Variants in LAMA2 observed in about 807,000 individuals in gnomAD.
LAMA2 encodes laminin subunit alpha-2.
Under a neutral mutation model 364.8 loss-of-function variants are expected in LAMA2, and 269 were observed. The ratio of observed to expected loss-of-function variants is 0.74; its 90% CI spans 0.67 to 0.82. LAMA2 has a LOEUF of 0.82. Among genes scored for constraint, LAMA2 ranks in the 40% least tolerant of loss-of-function variants. The pLI is 0.00. For synonymous variants in LAMA2, 1,379 were observed against 1,370.6 expected (o/e 1.01, Z -0.14); for missense variants, 3,807 against 3,873.2 (o/e 0.98, Z 0.45).
In LAMA2 at chr6:129,158,144, C is replaced by T. The variant is rs535519064; in HGVS notation, c.1206+3461C>T. 58 of 1,612,492 alleles carry T rather than the reference C, an allele frequency of 3.6e-5. No homozygotes were observed. In the Middle Eastern group the frequency reaches 6.0e-4, roughly 17 times the overall value. ...CCAATTTAAGCAGGGCTCTGGTGTC[C>T]AGCGTAGCACATTTCAGGAAGTCAT... On this transcript the variant is annotated intron_variant, in intron 8 of 64. Transcript: ENST00000421865.
intron 19 of LAMA2, among the ~76,000 whole-genome samples, chr6:129,291,043 C>A (rs1002409161): frequency 2.0e-5 from 3 of 151,956 alleles, no homozygotes; most frequent in Non-Finnish European, 2.9e-5. Context: ...ATCATTAAAT[C>A]AAAAAAACTA....
rs371682826 is a variant in LAMA2, at chr6:129,342,422, A to G, written c.4391A>G (p.Asn1464Ser). Residue 1464 changes from asparagine (N) to serine (S), a missense_variant, in exon 30 of 65, where the codon AAT (asparagine) becomes AGT (serine). By Grantham distance (46) the Asn-to-Ser change is conservative. Coordinates refer to ENST00000421865, the MANE Select transcript of LAMA2 (RefSeq NM_000426.4). ...GYYGIVKGLP[N>S]DCQQCACPLI... ...TATGGAATTGTCAAGGGATTGCCAAATGACTGTCAGCAATGTGCCTGCCCT... is the reference window on the plus strand; with the variant it reads ...TATGGAATTGTCAAGGGATTGCCAAGTGACTGTCAGCAATGTGCCTGCCCT... 11 of 1,613,392 alleles carry G rather than the reference A, an allele frequency of 6.8e-6. No individual in the cohort carries two copies. The highest frequency in any genetic ancestry group is 1.3e-5 in the African/African-American group (1 of 74,892).
chr6:129,029,291 T>A (rs4449651), intron 1 of LAMA2, among the ~76,000 whole-genome samples: 86,843 of 151,704 alleles, frequency 0.57, 28,823 homozygotes, highest in East Asian at 0.96. Context: ...GAGCTTTAAC[T>A]ACCATGCAAT....
intron 1 of LAMA2, among the ~76,000 whole-genome samples, chr6:129,045,491 A>T (rs940377820): frequency 6.6e-6 from 1 of 152,182 alleles, no homozygotes; most frequent in Non-Finnish European, 1.5e-5. Flanking sequence ...ATAACTTTGT[A>T]CATATCATTT....
At chr6:129,087,598 G>T (rs1199040998) in intron 3 of LAMA2, among the ~76,000 whole-genome samples, 2 of 152,062 alleles carry the variant, frequency 1.3e-5, no homozygotes, top group African/African-American at 4.8e-5. Context: ...CTTTTCCAAA[G>T]AAAATTTCAG....
At chr6:129,429,947 A>G (rs1781507143) in intron 41 of LAMA2, among the ~76,000 whole-genome samples, 2 of 152,218 alleles carry the variant, frequency 1.3e-5, no homozygotes, top group Admixed American at 1.3e-4. Flanking sequence ...GGGTTAGGAG[A>G]CAGAAATGTT....
At chr6:129,443,673 T>A (rs545404899) in intron 44 of LAMA2, among the ~76,000 whole-genome samples, 1 of 152,268 alleles carries the variant, frequency 6.6e-6, no homozygotes, top group South Asian at 2.1e-4. Context: ...AAACACATAA[T>A]AAAACTAGGT....
At position 129,419,123 on chromosome 6, in the gene LAMA2, A is replaced by G. The variant is rs147996982; in HGVS notation, c.5866-8629A>G. Among the ~76,000 whole-genome samples the G allele has an allele frequency of 3.2e-4, 48 of 152,106 alleles. 1 individual carries two copies. The highest frequency in any genetic ancestry group is 1.1e-3 in the African/African-American group (45 of 41,460). On this transcript the variant is annotated intron_variant, in intron 40 of 64. Transcript: ENST00000421865. ...TTTTTTAAAAGTCTATTGGAAGCAG[A>G]GAAATAAATTTTTTGACCCAGCCTT...
chr6:129,203,630 C>A (rs994366820), intron 12 of LAMA2, among the ~76,000 whole-genome samples: 1 of 152,186 alleles, frequency 6.6e-6, no homozygotes, highest in Non-Finnish European at 1.5e-5. Flanking sequence ...TCTCACATAG[C>A]AAAATAATAC....
At chr6:129,509,301 G>A (rs183605727) in intron 62 of LAMA2, among the ~76,000 whole-genome samples, 31 of 152,076 alleles carry the variant, frequency 2.0e-4, no homozygotes, top group Non-Finnish European at 1.8e-4. Context: ...CCATTCTGTG[G>A]GTTGTCACTT....
intron 49 of LAMA2, 102 bp from the exon 50 acceptor site, chr6:129,464,188 G>T (rs1583813085): frequency 6.0e-6 from 6 of 1,002,256 alleles, no homozygotes; most frequent in Non-Finnish European, 9.5e-6. Context: ...GGTATTTCCT[G>T]CCCTACAACA....
intron 2 of LAMA2, among the ~76,000 whole-genome samples, chr6:129,057,193 A>G (rs946705765): frequency 5.9e-5 from 9 of 152,198 alleles, no homozygotes; most frequent in Non-Finnish European, 8.8e-5. Context: ...TACATTTTGA[A>G]TAGATGTATC....
In LAMA2 at chr6:129,075,346, T is replaced by A. The variant is rs1773566903; in HGVS notation, c.396+15450T>A. Among the ~76,000 whole-genome samples, 4 of 152,190 alleles carry A rather than the reference T, an allele frequency of 2.6e-5. No homozygotes were observed. The South Asian group carries it at 8.3e-4, about 31-fold the overall frequency. ...TGCTGTCACGGAGGTCTCCAGGTCT[T>A]CTTAGCTCCTGAAGGGAGTAGTCAG... On this transcript the variant is annotated intron_variant, in intron 3 of 64. Coordinates refer to ENST00000421865, the MANE Select transcript of LAMA2 (RefSeq NM_000426.4).
In LAMA2 at chr6:129,401,296, G is replaced by A. The variant is rs759350875; in HGVS notation, c.5518G>A (p.Asp1840Asn). 9.9e-6 allele frequency: 16 copies of A among 1,612,736 alleles called. No individual in the cohort carries two copies. In the Admixed American group the frequency reaches 1.3e-4, roughly 13 times the overall value. The change falls in exon 38 of 65, where the codon GAT becomes AAT. Residue 1840 changes from aspartate to asparagine, a missense_variant. By Grantham distance (23) the Asp-to-Asn change is conservative. Coordinates refer to ENST00000421865, the MANE Select transcript of LAMA2 (RefSeq NM_000426.4). ...TTTAAAAGAGGGCAATGACATACTC[G>A]ATGAAGCCAACCGTCTTGCAGATGA... Reference protein sequence around the residue: ...NTLKEGNDILDEANRLADEIN... With the variant: ...NTLKEGNDILNEANRLADEIN...
chr6:129,231,957 T>A (rs1248398141), intron 12 of LAMA2, among the ~76,000 whole-genome samples: 1 of 152,160 alleles, frequency 6.6e-6, no homozygotes. Context: ...ACTATCAATA[T>A]AGCCATGCAA....
chr6:129,271,650 A>T (rs1181671181), intron 17 of LAMA2, among the ~76,000 whole-genome samples: 1 of 151,860 alleles, frequency 6.6e-6, no homozygotes, highest in African/African-American at 2.4e-5. Flanking sequence ...ATTATAAATA[A>T]CTATACTTTT....
At chr6:128,930,032 G>T (rs1015450874) in intron 1 of LAMA2, 15 of 442,994 alleles carry the variant, frequency 3.4e-5, no homozygotes, top group African/African-American at 1.9e-4. Context: ...TGCAGAGCAC[G>T]GGGCGCCGTG....
In LAMA2 at chr6:129,077,727, G is replaced by T. The variant is rs1252678909; in HGVS notation, c.396+17831G>T. 2.6e-5 allele frequency among the ~76,000 whole-genome samples: 4 copies of T among 152,130 alleles called. No homozygotes were observed. The East Asian group carries it at 7.7e-4, about 29-fold the overall frequency. On this transcript the variant is annotated intron_variant, in intron 3 of 64. Transcript: ENST00000421865. ...GACTTCCAAATTCTTCACTGAAATA[G>T]CTCCTACTTCTTATATTACCTTTCG...
intron 37 of LAMA2, among the ~76,000 whole-genome samples, chr6:129,395,152 T>C (rs1779534198): frequency 6.6e-6 from 1 of 151,782 alleles, no homozygotes; most frequent in South Asian, 2.1e-4. Context: ...CATGTGTACA[T>C]TCTAACACTC....
Sources: allele counts gnomAD v4.1 joint callset (sites outside exome capture counted in the v4.1 genomes callset), GRCh38; gene constraint gnomAD v4.1.1; transcripts MANE v1.5; gene names NCBI Gene and HGNC (gene_info 2026-07-23, HGNC 2026-07-21).